Variants in PHYH observed in about 807,000 individuals in gnomAD.
PHYH encodes the protein phytanoyl-CoA dioxygenase, peroxisomal.
A neutral mutation model predicts 38.5 loss-of-function variants in PHYH; 32 were observed. The ratio of observed to expected loss-of-function variants is 0.83; its 90% CI spans 0.63 to 1.12. The LOEUF is 1.12. PHYH is among the 50% of genes most tolerant of loss of function. The probability of loss-of-function intolerance (pLI) is 0.00; values close to 1 mark genes in which losing one functional copy is unlikely to be tolerated. For synonymous variants in PHYH, 166 were observed against 157.9 expected, an observed-to-expected ratio of 1.05 and a Z score of -0.38; for missense variants, 426 against 434.8, an observed-to-expected ratio of 0.98 and a Z score of 0.18.
intron 5 of PHYH, among the ~76,000 whole-genome samples, chr10:13,289,114 C>T (rs896878347): frequency 6.6e-6 from 1 of 152,132 alleles, no homozygotes; most frequent in Non-Finnish European, 1.5e-5. Context: ...TCCCTTCTTC[C>T]GGGTTGCTGG....
intron 5 of PHYH, among the ~76,000 whole-genome samples, chr10:13,290,992 G>C (rs574165922): frequency 2.0e-5 from 3 of 151,664 alleles, no homozygotes; most frequent in Admixed American, 6.6e-5. Context: ...AGTTACTTGG[G>C]AGACTGAGGC....
rs773803680 is a variant in PHYH, at chr10:13,283,131, A to ATATTTTTTTT, written c.828+558_828+559insAAAAAAAATA. Among the ~76,000 whole-genome samples, 3 of 117,900 alleles carry ATATTTTTTTT rather than the reference A, an allele frequency of 2.5e-5. No individual in the cohort carries two copies. The East Asian group carries it at 7.2e-4, about 28-fold the overall frequency. 77.3% of individuals were successfully genotyped at this position (117,900 alleles called of 152,430 possible). A position where few individuals can be genotyped will look rare whatever the true frequency, so the allele number is the denominator to read the frequency against. Reference sequence around the variant, plus strand: ...CCACTGCACCTGGCTTTCATAATCAATTTTTTTTTTTTTTTTTGAGACGGA... The same window carrying ATATTTTTTTT: ...CCACTGCACCTGGCTTTCATAATCAATATTTTTTTTTTTTTTTTTTTTTTTTTGAGACGGA... On this transcript the variant is annotated intron_variant, in intron 7 of 8. Transcript: ENST00000263038.
At chr10:13,292,244 T>C (rs1178286407) in intron 4 of PHYH, among the ~76,000 whole-genome samples, 2 of 152,180 alleles carry the variant, frequency 1.3e-5, no homozygotes, top group African/African-American at 4.8e-5. Flanking sequence ...GAGGGCAGTT[T>C]CCTCTTCCTC....
chr10:13,296,521 C>A (rs1235206999), intron 2 of PHYH, among the ~76,000 whole-genome samples: 2 of 145,568 alleles, frequency 1.4e-5, no homozygotes, highest in Non-Finnish European at 3.0e-5. Context: ...CAGGATTGCA[C>A]CAGTGCACTC....
At chr10:13,287,849 A>AGTAC (rs1201841022) in intron 6 of PHYH, among the ~76,000 whole-genome samples, 2 of 152,178 alleles carry the variant, frequency 1.3e-5, no homozygotes, top group Admixed American at 6.5e-5. Flanking sequence ...GATCCTATAC[A>AGTAC]GTACCTACCC....
At chr10:13,291,763 G>T in intron 5 of PHYH, 68 bp downstream of exon 5, 1 of 1,030,052 alleles carries the variant, frequency 9.7e-7, no homozygotes. Context: ...ACAGGCATGA[G>T]TTACTGCACC....
chr10:13,291,837 CT>C lies in PHYH; in HGVS notation c.489del (p.Asp164IlefsTer54). ...TCTTCTCCCTTACAATTACCAGAATCTGGAGGTTTGTTTATCAACATTGTGT... is the reference window on the plus strand; with the variant it reads ...TCTTCTCCCTTACAATTACCAGAATCGGAGGTTTGTTTATCAACATTGTGT... The part of the protein sequence containing the change: ...AMHTMLINKP[P>X]DSGKKTSRHP... On this transcript the variant is annotated frameshift_variant, in exon 5 of 9. Transcript: ENST00000263038. LOFTEE classifies it high-confidence loss of function. The C allele has an allele frequency of 6.2e-7, 1 of 1,603,618 alleles. No individual in the cohort carries two copies. Among genetic ancestry groups the C allele is most frequent in the Middle Eastern group, 1.7e-4 (1 of 6,042 alleles).
rs545989425 is a variant in PHYH at position 13,298,263 on chromosome 10, G to C, written c.76-18C>G. ...TGAGCTACCTAGGATGTGAATTAAG[G>C]CAAATAAAGTAAAATATAGAAGGCC... On this transcript the variant is annotated intron_variant, in intron 1 of 8. Coordinates refer to ENST00000263038, the MANE Select transcript of PHYH (RefSeq NM_006214.4). 1 of 1,554,062 alleles carries C rather than the reference G, an allele frequency of 6.4e-7. No homozygotes were observed. The highest frequency in any genetic ancestry group is 8.9e-7 in the Non-Finnish European group (1 of 1,125,902).
intron 5 of PHYH, chr10:13,291,435 C>G (rs1835708119): frequency 4.8e-6 from 1 of 209,996 alleles, no homozygotes; most frequent in Non-Finnish European, 9.6e-6. Flanking sequence ...GACAGTTGTA[C>G]ACATGATTAC....
intron 6 of PHYH, among the ~76,000 whole-genome samples, chr10:13,286,483 A>T (rs1835552388): frequency 6.6e-6 from 1 of 152,100 alleles, no homozygotes; most frequent in African/African-American, 2.4e-5. Context: ...CAGGCAGATC[A>T]CGAAGTCAGG....
At chr10:13,299,934 A>G (rs1832705098) in intron 1 of PHYH, 34 bp downstream of exon 1, 2 of 1,502,294 alleles carry the variant, frequency 1.3e-6, no homozygotes, top group Non-Finnish European at 1.8e-6. Context: ...CCGGCGCCGG[A>G]TCCAGCCCGA....
At chr10:13,296,627 C>T (rs7100616) in intron 2 of PHYH, among the ~76,000 whole-genome samples, 302 of 148,464 alleles carry the variant, frequency 2.0e-3, no homozygotes, top group African/African-American at 7.1e-3. Flanking sequence ...ACTATGTTCA[C>T]TCAGTGGAAT....
intron 8 of PHYH, among the ~76,000 whole-genome samples, chr10:13,279,614 G>A (rs1245631165): frequency 6.6e-6 from 1 of 152,138 alleles, no homozygotes; most frequent in Non-Finnish European, 1.5e-5. Context: ...GCCCCACCGG[G>A]TTTTGGTGAA....
intron 6 of PHYH, among the ~76,000 whole-genome samples, chr10:13,286,284 T>A (rs1198089247): frequency 6.6e-6 from 1 of 152,136 alleles, no homozygotes; most frequent in Admixed American, 6.6e-5. Context: ...ATTACTGTCC[T>A]TGAAGAGCCG....
Position 13,288,299 on chromosome 10 carries a change from G to A in PHYH, c.678+61C>T, listed in dbSNP as rs151074406. On this transcript the variant is annotated intron_variant, in intron 6 of 8. Transcript: ENST00000263038. ...CATTTGTAAACTCTTTAGAGGTACT[G>A]ATGTGAAACAGAAACTGCGAAGGAG... 4.5e-4 allele frequency: 631 copies of A among 1,410,116 alleles called. 3 individuals carry two copies. The African/African-American group carries it at 6.6e-3, about 15-fold the overall frequency. The allele number at this position is 1,410,116 out of a possible 1,614,324, so 87.4% of individuals were successfully genotyped here. A position where few individuals can be genotyped will look rare whatever the true frequency, so the allele number is the denominator to read the frequency against.
chr10:13,284,315 C>T (rs1368843714), intron 6 of PHYH, among the ~76,000 whole-genome samples: 1 of 152,052 alleles, frequency 6.6e-6, no homozygotes, highest in Non-Finnish European at 1.5e-5. Flanking sequence ...GAGCAAGACT[C>T]TGTCTCGAAA....
chr10:13,294,666 G>C, intron 3 of PHYH, 70 bp from the exon 4 acceptor site: 1 of 1,396,616 alleles, frequency 7.2e-7, no homozygotes, highest in Non-Finnish European at 1.0e-6. Context: ...CTCCTCTGTG[G>C]AAAGGGTTGC....
intron 7 of PHYH, 126 bp from the exon 8 acceptor site, chr10:13,281,236 G>T: frequency 1.1e-6 from 1 of 900,664 alleles, no homozygotes; most frequent in Non-Finnish European, 1.8e-6. Context: ...TGGAAAGTCA[G>T]GTCCATTGCA....
At chr10:13,293,060 CT>C (rs1374606026) in intron 4 of PHYH, among the ~76,000 whole-genome samples, 1 of 152,004 alleles carries the variant, frequency 6.6e-6, no homozygotes, top group Non-Finnish European at 1.5e-5. Context: ...TTTTTGATCT[CT>C]TGTGTATAAG....
Sources: allele counts gnomAD v4.1 joint callset (sites outside exome capture counted in the v4.1 genomes callset), GRCh38; gene constraint gnomAD v4.1.1; transcripts MANE v1.5; gene names NCBI Gene and HGNC (gene_info 2026-07-23, HGNC 2026-07-21).